Variants in KCNQ5 observed in about 807,000 individuals in gnomAD.
KCNQ5 encodes potassium voltage-gated channel subfamily Q member 5, also known as potassium voltage-gated channel subfamily KQT member 5.
A neutral mutation model predicts 98.2 loss-of-function variants in KCNQ5; 30 were observed. The ratio of observed to expected loss-of-function variants is 0.31; its 90% CI spans 0.23 to 0.41. The LOEUF (loss-of-function observed/expected upper bound fraction) is 0.41, where lower values mean the gene tolerates loss of function less well. Ranked by LOEUF, KCNQ5 falls within the 10% of genes least tolerant of loss-of-function variation. The pLI is 1.00. For missense variants in KCNQ5, 835 were observed against 1,182.5 expected, an observed-to-expected ratio of 0.71 and a Z score of 4.31; for synonymous variants, 458 against 449.4, an observed-to-expected ratio of 1.02 and a Z score of -0.24.
chr6:73,175,607 C>G lies in KCNQ5; in HGVS notation c.1577+5753C>G, dbSNP rs1465188591. 2.6e-5 allele frequency among the ~76,000 whole-genome samples: 4 copies of G among 152,208 alleles called. No homozygotes were observed. In the East Asian group the frequency reaches 7.7e-4, roughly 29 times the overall value. On this transcript the variant is annotated intron_variant, in intron 11 of 13. Transcript: ENST00000370398. ...AAGGGAGAAGTTAGCTCTTCCCTCT[C>G]CCTCCCTGACCCTTGTCGAAGCCTG...
chr6:72,985,637 G>C (rs750099402), intron 1 of KCNQ5, among the ~76,000 whole-genome samples: 1 of 152,168 alleles, frequency 6.6e-6, no homozygotes, highest in Non-Finnish European at 1.5e-5. Flanking sequence ...AGAATGGCTA[G>C]TATTGAAAAG....
intron 10 of KCNQ5, among the ~76,000 whole-genome samples, chr6:73,150,799 C>T (rs948921717): frequency 1.4e-5 from 2 of 143,368 alleles, no homozygotes; most frequent in South Asian, 4.8e-4. Flanking sequence ...TTACTGTATA[C>T]ATTAATGTAG....
At chr6:72,705,003 T>G (rs1768999846) in intron 1 of KCNQ5, among the ~76,000 whole-genome samples, 1 of 152,170 alleles carries the variant, frequency 6.6e-6, no homozygotes, top group South Asian at 2.1e-4. Context: ...GTGTCTTTGC[T>G]CCGAATAAAC....
intron 1 of KCNQ5, among the ~76,000 whole-genome samples, chr6:72,922,780 G>C (rs1780459771): frequency 6.7e-6 from 1 of 148,456 alleles, no homozygotes; most frequent in Non-Finnish European, 1.5e-5. Context: ...TGGGTATATA[G>C]GACACCTTTC....
intron 1 of KCNQ5, among the ~76,000 whole-genome samples, chr6:72,801,099 T>G (rs915471255): frequency 2.6e-5 from 4 of 152,106 alleles, no homozygotes; most frequent in African/African-American, 4.8e-5. Flanking sequence ...AAATGTATAT[T>G]CTGTTGATTT....
chr6:72,782,265 T>TCTCC (rs1380156072), intron 1 of KCNQ5, among the ~76,000 whole-genome samples: 2 of 151,724 alleles, frequency 1.3e-5, no homozygotes, highest in African/African-American at 4.8e-5. Flanking sequence ...TCTCTCTCTC[T>TCTCC]CCCACAAGAG....
At chr6:72,889,368 G>C (rs901768734) in intron 1 of KCNQ5, among the ~76,000 whole-genome samples, 4 of 152,164 alleles carry the variant, frequency 2.6e-5, no homozygotes, top group African/African-American at 4.8e-5. Context: ...TTTGATCAGA[G>C]AGCTACTCAA....
At chr6:72,800,364 G>A (rs1290256927) in intron 1 of KCNQ5, among the ~76,000 whole-genome samples, 2 of 152,146 alleles carry the variant, frequency 1.3e-5, no homozygotes, top group African/African-American at 4.8e-5. Context: ...GAGGGTGTAT[G>A]TGTCGAGGAA....
At chr6:72,908,925 G>A (rs1779810263) in intron 1 of KCNQ5, among the ~76,000 whole-genome samples, 1 of 152,000 alleles carries the variant, frequency 6.6e-6, no homozygotes, top group Admixed American at 6.6e-5. Flanking sequence ...TTACTCCAAT[G>A]TTCAAATTTC....
chr6:73,087,654 A>G (rs534976743), intron 5 of KCNQ5, among the ~76,000 whole-genome samples: 9 of 152,206 alleles, frequency 5.9e-5, no homozygotes, highest in Non-Finnish European at 1.0e-4. Flanking sequence ...ACAATTTTTA[A>G]AAGAAGAAAA....
At chr6:72,666,507 T>G (rs1483510375) in intron 1 of KCNQ5, among the ~76,000 whole-genome samples, 1 of 152,180 alleles carries the variant, frequency 6.6e-6, no homozygotes, top group Non-Finnish European at 1.5e-5. Context: ...TTTGAATCAA[T>G]TTAGATTCGT....
chr6:72,826,383 T>C (rs1490829898), intron 1 of KCNQ5, among the ~76,000 whole-genome samples: 1 of 152,130 alleles, frequency 6.6e-6, no homozygotes, highest in Non-Finnish European at 1.5e-5. Flanking sequence ...TGTCTTTCTA[T>C]CAGTCTTTCA....
chr6:72,686,467 G>T (rs922793484), intron 1 of KCNQ5, among the ~76,000 whole-genome samples: 1 of 152,102 alleles, frequency 6.6e-6, no homozygotes, highest in African/African-American at 2.4e-5. Flanking sequence ...TTTCTAAGAA[G>T]TAGGTATTCA....
chr6:73,102,297 A>G (rs1774815471), intron 5 of KCNQ5, among the ~76,000 whole-genome samples: 1 of 152,176 alleles, frequency 6.6e-6, no homozygotes, highest in Admixed American at 6.5e-5. Context: ...CTATGAAACT[A>G]CTACAAGAAA....
intron 1 of KCNQ5, among the ~76,000 whole-genome samples, chr6:72,852,661 A>ATATATATATATATATATATATATAT (rs60436919): frequency 8.0e-5 from 10 of 125,382 alleles, no homozygotes; most frequent in South Asian, 2.6e-4. Context: ...ATATATATAT[A>ATATATATATATATATATATATATAT]AATGGCACTT....
chr6:72,680,938 G>A (rs1767673296), intron 1 of KCNQ5, among the ~76,000 whole-genome samples: 1 of 152,200 alleles, frequency 6.6e-6, no homozygotes, highest in African/African-American at 2.4e-5. Flanking sequence ...TGTTTAGCAA[G>A]TGGCAACAGA....
intron 1 of KCNQ5, among the ~76,000 whole-genome samples, chr6:72,830,171 C>T (rs2150122690): frequency 6.6e-6 from 1 of 152,124 alleles, no homozygotes; most frequent in South Asian, 2.1e-4. Context: ...AGGTAATTTA[C>T]AGATTCAATG....
intron 1 of KCNQ5, among the ~76,000 whole-genome samples, chr6:72,812,807 A>T (rs1315248000): frequency 6.6e-6 from 1 of 152,238 alleles, no homozygotes; most frequent in Non-Finnish European, 1.5e-5. Context: ...AGAACAAGTG[A>T]CAGCAAATTA....
Position 73,129,910 on chromosome 6 carries a change from G to T in KCNQ5, c.1248-3511G>T. On this transcript the variant is annotated intron_variant, in intron 9 of 13. Coordinates refer to ENST00000370398, the MANE Select transcript of KCNQ5 (RefSeq NM_019842.4). ...GAATGCCAACTAACCTCAGGTGCAT[G>T]ACCAGGTTACACCGCCACCCCACCT... The T allele has an allele frequency of 2.2e-6, 3 of 1,385,134 alleles. No individual in the cohort carries two copies. In the South Asian group the frequency reaches 3.6e-5, roughly 17 times the overall value. 85.8% of individuals were successfully genotyped at this position (1,385,134 alleles called of 1,614,324 possible).
Sources: allele counts gnomAD v4.1 joint callset (sites outside exome capture counted in the v4.1 genomes callset), GRCh38; gene constraint gnomAD v4.1.1; transcripts MANE v1.5; gene names NCBI Gene and HGNC (gene_info 2026-07-23, HGNC 2026-07-21).